Variants in PHYKPL observed in about 807,000 individuals in gnomAD.
PHYKPL encodes the protein 5-phosphonooxy-L-lysine phospho-lyase.
A neutral mutation model predicts 51.3 loss-of-function variants in PHYKPL; 42 were observed. That is an observed-to-expected ratio of 0.82 (90% confidence interval 0.64 to 1.06). The LOEUF (loss-of-function observed/expected upper bound fraction) is 1.06, where lower values mean the gene tolerates loss of function less well. PHYKPL is among the 50% of genes least tolerant of loss of function. The pLI, the probability that PHYKPL is intolerant of heterozygous loss-of-function variation, is 0.00. For synonymous variants in PHYKPL, 264 were observed against 236.0 expected, an observed-to-expected ratio of 1.12 and a Z score of -1.09; for missense variants, 655 against 586.6, an observed-to-expected ratio of 1.12 and a Z score of -1.20.
At chr5:178,210,717 C>G in intron 12 of PHYKPL, 1 of 930,270 alleles carries the variant, frequency 1.1e-6, no homozygotes, top group Non-Finnish European at 1.8e-6. Flanking sequence ...GGCAAACTTT[C>G]TATTGCCTGT....
chr5:178,207,265 G>A, downstream of PHYKPL: 2 of 1,611,114 alleles, frequency 1.2e-6, no homozygotes, highest in Non-Finnish European at 1.7e-6. Context: ...CTGTGCTGCT[G>A]GAGAGCTGGC....
intron 12 of PHYKPL, chr5:178,210,797 G>T (rs1758054992): frequency 1.6e-6 from 1 of 634,202 alleles, no homozygotes; most frequent in South Asian, 1.8e-5. Context: ...CAGAGCTCTA[G>T]GTGTTTAGGC....
chr5:178,214,605 C>T (rs959809562), intron 10 of PHYKPL, among the ~76,000 whole-genome samples, 191 bp downstream of exon 10: 6 of 152,134 alleles, frequency 3.9e-5, no homozygotes, highest in Admixed American at 3.9e-4. Flanking sequence ...CACCACTTAT[C>T]TCTGTCCTCA....
chr5:178,214,656 G>A lies in PHYKPL; in HGVS notation c.1172+140C>T, dbSNP rs770228797. 5.2e-5 allele frequency: 37 copies of A among 706,068 alleles called. 1 individual carries two copies. In the Middle Eastern group the frequency reaches 2.4e-3, roughly 45 times the overall value. The allele number at this position is 706,068 out of a possible 1,614,324, so 43.7% of individuals were successfully genotyped here. ...TGTCCCCCAACAACTGCCCCCACCC[G>A]CCAGCCCCAGCCCTCTTTCAATCAA... On this transcript the variant is annotated intron_variant, in intron 10 of 12. Coordinates refer to ENST00000308158, the MANE Select transcript of PHYKPL (RefSeq NM_153373.4).
chr5:178,227,264 GACC>G (rs1350242411), intron 3 of PHYKPL, among the ~76,000 whole-genome samples: 1 of 152,204 alleles, frequency 6.6e-6, no homozygotes, highest in East Asian at 1.9e-4. Flanking sequence ...GCACTCAGAA[GACC>G]AACCAGGGCC....
chr5:178,232,749 G>T lies in PHYKPL; in HGVS notation c.-199C>A, dbSNP rs1763784804. ...GCCCACTGGGCCTGGCAGCCTTCCGGCCCGTGGTCGTGCCTTGGCAGTCCC... is the reference window on the plus strand; with the variant it reads ...GCCCACTGGGCCTGGCAGCCTTCCGTCCCGTGGTCGTGCCTTGGCAGTCCC... On this transcript the variant is annotated 5_prime_UTR_variant, in exon 1 of 13. Transcript: ENST00000308158. 1 of 517,000 alleles carries T rather than the reference G, an allele frequency of 1.9e-6. No homozygotes were observed. The highest frequency in any genetic ancestry group is 2.9e-6 in the Non-Finnish European group (1 of 345,646). The allele number at this position is 517,000 out of a possible 1,614,324, so 32.0% of individuals were successfully genotyped here. A position where few individuals can be genotyped will look rare whatever the true frequency, so the allele number is the denominator to read the frequency against.
intron 4 of PHYKPL, 81 bp from the exon 5 acceptor site, chr5:178,224,810 C>T (rs547173168): frequency 1.2e-5 from 14 of 1,143,002 alleles, no homozygotes; most frequent in Admixed American, 4.5e-5. Context: ...CTCCCCACCC[C>T]TGAAGACACA....
In PHYKPL at chr5:178,215,367, G is replaced by A. The variant is rs762921638; in HGVS notation, c.991C>T (p.Gln331Ter). 6.2e-7 allele frequency: 1 copy of A among 1,614,030 alleles called. No individual in the cohort carries two copies. The highest frequency in any genetic ancestry group is 2.2e-5 in the East Asian group (1 of 44,882). The change falls in exon 9 of 13, where the codon CAG (glutamine) becomes TAG (stop). Residue 331 changes from glutamine (Q) to a stop codon, truncating the protein, a stop_gained. Coordinates refer to ENST00000308158, the MANE Select transcript of PHYKPL (RefSeq NM_153373.4). LOFTEE classifies it high-confidence loss of function. ...ACACTGGTGGCATGATCCTGGAGCTGCTCCTTCTCCAAGACATTCAGGACG... is the reference window on the plus strand; with the variant it reads ...ACACTGGTGGCATGATCCTGGAGCTACTCCTTCTCCAAGACATTCAGGACG... Reference protein sequence around the residue: ...LAVLNVLEKEQLQDHATSVGS... With the variant: ...LAVLNVLEKE
In PHYKPL at chr5:178,211,906, C is replaced by T; in HGVS notation, c.*15G>A. On this transcript the variant is annotated 3_prime_UTR_variant, in exon 12 of 13. Coordinates refer to ENST00000308158, the MANE Select transcript of PHYKPL (RefSeq NM_153373.4). ...CCCACTCACCTGGAGTACACTTAGG[C>T]AGAGCAGGGCTGGCTTAGGGCTGGA... 1 of 1,613,888 alleles carries T rather than the reference C, an allele frequency of 6.2e-7. No homozygotes were observed.
chr5:178,212,881 C>T (rs1222310744), intron 11 of PHYKPL, 92 bp downstream of exon 11: 1 of 1,540,862 alleles, frequency 6.5e-7, no homozygotes, highest in Non-Finnish European at 8.8e-7. Context: ...CTCTTGGACT[C>T]TTGTCCCCTC....
At chr5:178,212,493 A>T (rs1033343529) in intron 11 of PHYKPL, among the ~76,000 whole-genome samples, 2 of 152,236 alleles carry the variant, frequency 1.3e-5, no homozygotes, top group Non-Finnish European at 2.9e-5. Context: ...GACCACGACC[A>T]TCCTAGGTGA....
In PHYKPL at chr5:178,232,767, G is replaced by A. The variant is rs552375772; in HGVS notation, c.-217C>T. 790 of 427,116 alleles carry A rather than the reference G, an allele frequency of 1.8e-3. 6 individuals are homozygous for A. The highest frequency in any genetic ancestry group is 0.017 in the African/African-American group (753 of 44,934). The allele number at this position is 427,116 out of a possible 1,614,324, so 26.5% of individuals were successfully genotyped here. A position where few individuals can be genotyped will look rare whatever the true frequency, so the allele number is the denominator to read the frequency against. On this transcript the variant is annotated 5_prime_UTR_variant, in exon 1 of 13. Coordinates refer to ENST00000308158, the MANE Select transcript of PHYKPL (RefSeq NM_153373.4). ...CCTTCCGGCCCGTGGTCGTGCCTTG[G>A]CAGTCCCGCGCAGGAACTCGAGCGC... is the stretch of plus-strand genomic sequence containing the variant.
rs370000734 is a variant in PHYKPL, at chr5:178,212,951, C to T, written c.1303+22G>A. On this transcript the variant is annotated intron_variant, in intron 11 of 12. Coordinates refer to ENST00000308158, the MANE Select transcript of PHYKPL (RefSeq NM_153373.4). ...TCAGGCTGAGTTCTAGAGATATGGCCAAGCTCAGGCTTCAAGCTCACCAGT... is the reference window on the plus strand; with the variant it reads ...TCAGGCTGAGTTCTAGAGATATGGCTAAGCTCAGGCTTCAAGCTCACCAGT... The T allele has an allele frequency of 2.5e-6, 4 of 1,613,022 alleles. No individual in the cohort carries two copies. In the African/African-American group the frequency reaches 5.3e-5, roughly 22 times the overall value.
At chr5:178,212,063 G>GAT in intron 11 of PHYKPL, 93 bp from the exon 12 acceptor site, 15 of 1,390,176 alleles carry the variant, frequency 1.1e-5, no homozygotes, top group African/African-American at 5.7e-5. Flanking sequence ...GGACAGTTTA[G>GAT]AGATTGGGCC....
At position 178,232,255 on chromosome 5, in the gene PHYKPL, T is replaced by C. The variant is rs1217901498; in HGVS notation, c.59+237A>G. On this transcript the variant is annotated intron_variant, in intron 1 of 12. Transcript: ENST00000308158. ...GGGCCGTCTCCTGAACTGGGCGGCC[T>C]GGAGACGGCGCTGTCGGGGAGGCGG... is the stretch of plus-strand genomic sequence containing the variant. The C allele has an allele frequency of 4.1e-6, 5 of 1,232,556 alleles. No individual in the cohort carries two copies. The African/African-American group carries it at 6.3e-5, about 16-fold the overall frequency. The allele number at this position is 1,232,556 out of a possible 1,614,324, so 76.4% of individuals were successfully genotyped here. A position where few individuals can be genotyped will look rare whatever the true frequency, so the allele number is the denominator to read the frequency against.
rs540673728 is a variant in PHYKPL, at chr5:178,225,561, T to C, written c.339-132A>G. The C allele has an allele frequency of 1.7e-3, 1,381 of 813,636 alleles. 2 individuals are homozygous for C. The highest frequency in any genetic ancestry group is 2.3e-3 in the Non-Finnish European group (1,127 of 487,574). The allele number at this position is 813,636 out of a possible 1,614,324, so 50.4% of individuals were successfully genotyped here. ...ATCAACTAGTCAGTCACTTGCTTGT[T>C]TGTTTGGTATATATCAAATGCCTCC... On this transcript the variant is annotated intron_variant, in intron 3 of 12. Coordinates refer to ENST00000308158, the MANE Select transcript of PHYKPL (RefSeq NM_153373.4).
chr5:178,210,784 T>A, intron 12 of PHYKPL: 2 of 655,988 alleles, frequency 3.0e-6, no homozygotes, highest in East Asian at 2.7e-5. Flanking sequence ...TGTTGACTAT[T>A]TCCAGAGCTC....
intron 1 of PHYKPL, 115 bp from the exon 2 acceptor site, chr5:178,231,638 G>T: frequency 6.2e-7 from 1 of 1,604,662 alleles, no homozygotes; most frequent in Non-Finnish European, 8.5e-7. Flanking sequence ...GGGGAAATGA[G>T]AGCTGGAAGG....
At chr5:178,214,361 C>G (rs1759302961) in intron 10 of PHYKPL, among the ~76,000 whole-genome samples, 1 of 152,122 alleles carries the variant, frequency 6.6e-6, no homozygotes, top group Non-Finnish European at 1.5e-5. Context: ...GGAGTCTTGT[C>G]CATCCCAACC....
Sources: allele counts gnomAD v4.1 joint callset (sites outside exome capture counted in the v4.1 genomes callset), GRCh38; gene constraint gnomAD v4.1.1; transcripts MANE v1.5; gene names NCBI Gene and HGNC (gene_info 2026-07-23, HGNC 2026-07-21).